The following AFTPH variants were observed in gnomAD, a reference collection of about 807,000 sequenced individuals.
AFTPH encodes the protein aftiphilin protein.
Under a neutral mutation model 72.5 loss-of-function variants are expected in AFTPH, and 7 were observed. The observed-to-expected ratio is 0.10, with a 90% CI of 0.05 to 0.18. AFTPH has a LOEUF of 0.18. Among genes scored for constraint, AFTPH ranks in the 10% least tolerant of loss-of-function variants. AFTPH has a pLI of 1.00. For missense variants in AFTPH, 979 were observed against 1,060.5 expected (o/e 0.92, Z 1.07); for synonymous variants, 337 against 370.1 (o/e 0.91, Z 1.03).
chr2:64,580,080 G>C (rs557669995), intron 7 of AFTPH: 1 of 152,774 alleles, frequency 6.5e-6, no homozygotes, highest in South Asian at 2.1e-4. Context: ...GTCTCCAAAT[G>C]TTAGTAGGCA....
At chr2:64,544,138 C>T (rs534944349) in intron 1 of AFTPH, among the ~76,000 whole-genome samples, 1 of 152,224 alleles carries the variant, frequency 6.6e-6, no homozygotes, top group Non-Finnish European at 1.5e-5. Context: ...TCAGTTTGCA[C>T]TTCTATTAAT....
intron 3 of AFTPH, among the ~76,000 whole-genome samples, chr2:64,568,556 T>C (rs924851088): frequency 6.6e-6 from 1 of 152,236 alleles, no homozygotes; most frequent in Non-Finnish European, 1.5e-5. Context: ...AAATTTTTAC[T>C]CTACTCTCAC....
intron 6 of AFTPH, among the ~76,000 whole-genome samples, chr2:64,578,274 A>G (rs1408026453): frequency 6.6e-6 from 1 of 152,198 alleles, no homozygotes; most frequent in Non-Finnish European, 1.5e-5. Flanking sequence ...AAAAATATAA[A>G]GTTTTAACAG....
intron 1 of AFTPH, among the ~76,000 whole-genome samples, chr2:64,534,809 A>G (rs572373718): frequency 6.6e-6 from 1 of 152,140 alleles, no homozygotes; most frequent in East Asian, 1.9e-4. Context: ...GAAGCTTCAA[A>G]AAGGAATAAA....
intron 1 of AFTPH, among the ~76,000 whole-genome samples, chr2:64,538,233 C>T (rs1469833307): frequency 6.6e-6 from 1 of 151,954 alleles, no homozygotes; most frequent in Non-Finnish European, 1.5e-5. Flanking sequence ...TTGTTTCTAA[C>T]CAGATGTATT....
chr2:64,560,325 T>C (rs544229239), intron 2 of AFTPH, among the ~76,000 whole-genome samples: 2 of 152,212 alleles, frequency 1.3e-5, no homozygotes, highest in African/African-American at 2.4e-5. Flanking sequence ...GCCCCACTGA[T>C]GAATTAAACC....
chr2:64,570,580 A>G (rs187812095), intron 5 of AFTPH, among the ~76,000 whole-genome samples: 6 of 152,350 alleles, frequency 3.9e-5, no homozygotes, highest in Middle Eastern at 3.4e-3. Context: ...TACTTTAAAA[A>G]CATTTTGATG....
At chr2:64,575,703 A>ATG (rs149890368) in intron 6 of AFTPH, among the ~76,000 whole-genome samples, 1 of 145,814 alleles carries the variant, frequency 6.9e-6, no homozygotes, top group African/African-American at 2.5e-5. Context: ...ATGTGTGTAT[A>ATG]TGTGTGTGTG....
chr2:64,585,604 G>A, intron 8 of AFTPH, 59 bp downstream of exon 9: 5 of 1,532,172 alleles, frequency 3.3e-6, no homozygotes, highest in East Asian at 2.4e-5. Context: ...ACGACCCAAA[G>A]GAAAAAGCAT....
intron 2 of AFTPH, 77 bp downstream of exon 2, chr2:64,553,486 AT>A: frequency 6.9e-7 from 1 of 1,450,444 alleles, no homozygotes; most frequent in East Asian, 2.4e-5. Context: ...TTCAAAAAAT[AT>A]TTTTTCAACT....
chr2:64,540,994 G>A (rs553586999), intron 1 of AFTPH, among the ~76,000 whole-genome samples: 1 of 150,720 alleles, frequency 6.6e-6, no homozygotes, highest in South Asian at 2.1e-4. Context: ...CGTCAATCAC[G>A]TCTAATATTT....
exon 9 of AFTPH, chr2:64,592,982 A>G (rs1382558526): frequency 6.6e-6 from 1 of 152,662 alleles, no homozygotes; most frequent in Non-Finnish European, 1.5e-5. Flanking sequence ...TAGCTTATAC[A>G]AAAATAAAAT....
At chr2:64,536,993 C>A (rs1218066709) in intron 1 of AFTPH, among the ~76,000 whole-genome samples, 1 of 147,454 alleles carries the variant, frequency 6.8e-6, no homozygotes, top group Non-Finnish European at 1.5e-5. Context: ...AAGAAGAATG[C>A]TTTTCAGAAA....
intron 1 of AFTPH, among the ~76,000 whole-genome samples, chr2:64,550,868 A>G (rs1223100184): frequency 1.3e-5 from 2 of 152,234 alleles, no homozygotes; most frequent in African/African-American, 4.8e-5. Flanking sequence ...AATATACACA[A>G]GAACTCTTGT....
chr2:64,537,796 T>C (rs1458750633), intron 1 of AFTPH, among the ~76,000 whole-genome samples: 1 of 152,218 alleles, frequency 6.6e-6, no homozygotes, highest in Non-Finnish European at 1.5e-5. Context: ...AAAAGAACAC[T>C]TTCATTTTAT....
chr2:64,545,955 C>T (rs184949895), intron 1 of AFTPH, among the ~76,000 whole-genome samples: 277 of 152,094 alleles, frequency 1.8e-3, no homozygotes, highest in African/African-American at 6.2e-3. Flanking sequence ...TGCAGTGGCA[C>T]GATCTCGTCT....
intron 1 of AFTPH, among the ~76,000 whole-genome samples, chr2:64,532,304 G>C (rs765821466): frequency 6.6e-6 from 1 of 152,158 alleles, no homozygotes; most frequent in Non-Finnish European, 1.5e-5. Flanking sequence ...TAAGGCTGGA[G>C]AGAGAGGAAT....
exon 6 of AFTPH, chr2:64,573,036 G>C (rs1345800382): frequency 6.2e-7 from 1 of 1,613,980 alleles, no homozygotes; most frequent in African/African-American, 1.3e-5. Context: ...CATGTCACCA[G>C]ATATGAACAC....
intron 2 of AFTPH, among the ~76,000 whole-genome samples, chr2:64,564,722 T>C (rs571606675): frequency 1.3e-5 from 2 of 152,312 alleles, no homozygotes; most frequent in Admixed American, 6.5e-5. Flanking sequence ...ATTTACTTAC[T>C]GGAATTAACT....
Sources: gnomAD v4.1 joint callset for allele counts (sites outside exome capture counted in the v4.1 genomes callset) on GRCh38, gnomAD v4.1.1 for gene constraint, MANE v1.5 for transcripts, NCBI Gene and HGNC (gene_info 2026-07-23, HGNC 2026-07-21) for gene names.